The following DDR2 variants were observed in gnomAD, a reference collection of about 807,000 sequenced individuals.
DDR2 encodes the protein discoidin domain-containing receptor 2.
A neutral mutation model predicts 94.9 loss-of-function variants in DDR2; 27 were observed. The observed-to-expected ratio is 0.28, with a 90% CI of 0.21 to 0.39. The LOEUF (loss-of-function observed/expected upper bound fraction) is 0.39. DDR2 is among the 10% of genes least tolerant of loss of function. The pLI, the probability that DDR2 is intolerant of heterozygous loss-of-function variation, is 1.00. For missense variants in DDR2, 783 were observed against 1,076.0 expected (o/e 0.73, Z 3.81); for synonymous variants, 382 against 377.2 (o/e 1.01, Z -0.15).
intron 1 of DDR2, among the ~76,000 whole-genome samples, chr1:162,636,190 A>T (rs1267093755): frequency 6.6e-6 from 1 of 152,218 alleles, no homozygotes; most frequent in East Asian, 1.9e-4. Flanking sequence ...TCCTAATTTT[A>T]TAAACCCCAG....
intron 2 of DDR2, among the ~76,000 whole-genome samples, chr1:162,717,556 C>T (rs1661228166): frequency 6.6e-6 from 1 of 152,172 alleles, no homozygotes; most frequent in African/African-American, 2.4e-5. Flanking sequence ...TATAACATTA[C>T]ACTTAGTTAT....
intron 2 of DDR2, among the ~76,000 whole-genome samples, chr1:162,656,198 G>T (rs565846880): frequency 6.6e-6 from 1 of 152,282 alleles, no homozygotes; most frequent in East Asian, 1.9e-4. Context: ...CTTCATGCCT[G>T]TGCCTCTAGC....
At chr1:162,664,807 T>C (rs1658468809) in intron 2 of DDR2, among the ~76,000 whole-genome samples, 1 of 152,210 alleles carries the variant, frequency 6.6e-6, no homozygotes, top group African/African-American at 2.4e-5. Context: ...AAAGGGAAGA[T>C]ATTGTAAAGG....
chr1:162,729,301 T>TATATATATATATATATATATA (rs755861408), intron 3 of DDR2, among the ~76,000 whole-genome samples: 1 of 60,120 alleles, frequency 1.7e-5, no homozygotes, highest in African/African-American at 8.3e-5. Flanking sequence ...TATATATATA[T>TATATATATATATATATATATA]TTTTTTTTTT....
intron 1 of DDR2, among the ~76,000 whole-genome samples, chr1:162,649,012 T>C (rs17472625): frequency 0.075 from 11,342 of 151,918 alleles, 437 homozygotes; most frequent in Admixed American, 0.094. Context: ...CCTTATCCCA[T>C]AGTGAGGACC....
intron 3 of DDR2, among the ~76,000 whole-genome samples, chr1:162,746,867 G>A (rs1558061271): frequency 6.6e-6 from 1 of 152,182 alleles, no homozygotes; most frequent in African/African-American, 2.4e-5. Context: ...TGATACCCAG[G>A]CAAACAGGGT....
At chr1:162,760,857 A>G (rs991043326) in intron 8 of DDR2, among the ~76,000 whole-genome samples, 61 of 151,946 alleles carry the variant, frequency 4.0e-4, no homozygotes, top group African/African-American at 1.4e-3. Flanking sequence ...TCGAGTCTAT[A>G]ATCCTCTCAG....
At chr1:162,651,632 T>C (rs1288919110) in intron 1 of DDR2, among the ~76,000 whole-genome samples, 9 of 152,204 alleles carry the variant, frequency 5.9e-5, no homozygotes, top group African/African-American at 1.9e-4. Flanking sequence ...CTATCAACTA[T>C]AGTACATATT....
At chr1:162,663,627 T>C (rs1383067858) in intron 2 of DDR2, among the ~76,000 whole-genome samples, 1 of 152,034 alleles carries the variant, frequency 6.6e-6, no homozygotes, top group African/African-American at 2.4e-5. Flanking sequence ...AGGGCCAGGA[T>C]AAGAGCAGGT....
chr1:162,725,703 G>A (rs1427212827), intron 3 of DDR2, among the ~76,000 whole-genome samples: 1 of 152,202 alleles, frequency 6.6e-6, no homozygotes, highest in African/African-American at 2.4e-5. Context: ...CCTTTGGAGT[G>A]TGAGACTCAA....
rs140079283 is a variant in DDR2, at chr1:162,728,991, G to A, written c.82+9846G>A. 1.5e-4 allele frequency among the ~76,000 whole-genome samples: 23 copies of A among 152,010 alleles called. No individual in the cohort carries two copies. In the East Asian group the frequency reaches 4.3e-3, roughly 28 times the overall value. ...CTGCAGGGGATTGAAAGAGATAATG[G>A]AAATAAATGGGCTTTGGAAAATTAC... On this transcript the variant is annotated intron_variant, in intron 3 of 17. Transcript: ENST00000367921.
intron 10 of DDR2, among the ~76,000 whole-genome samples, chr1:162,766,529 A>G (rs1181422218): frequency 1.3e-5 from 2 of 152,240 alleles, no homozygotes; most frequent in African/African-American, 4.8e-5. Flanking sequence ...GAGGACTTTC[A>G]GCTACCTTGG....
chr1:162,669,327 T>C (rs1343285045), intron 2 of DDR2, among the ~76,000 whole-genome samples: 12 of 152,256 alleles, frequency 7.9e-5, no homozygotes, highest in African/African-American at 2.9e-4. Flanking sequence ...TGATTTTTAA[T>C]TTATGAAATA....
At position 162,767,417 on chromosome 1, in the gene DDR2, C is replaced by T. The variant is rs906300481; in HGVS notation, c.1293+58C>T. ...AACTGCTCCTTTCTTTCTTAAGCCACTGTTGTCCCAGGAGTAAAAGGCAAA... is the reference window on the plus strand; with the variant it reads ...AACTGCTCCTTTCTTTCTTAAGCCATTGTTGTCCCAGGAGTAAAAGGCAAA... On this transcript the variant is annotated intron_variant, in intron 11 of 17. Coordinates refer to ENST00000367921, the MANE Select transcript of DDR2 (RefSeq NM_006182.4). 5 of 1,603,632 alleles carry T rather than the reference C, an allele frequency of 3.1e-6. No homozygotes were observed. The African/African-American group carries it at 5.4e-5, about 17-fold the overall frequency.
intron 7 of DDR2, among the ~76,000 whole-genome samples, 164 bp from the exon 8 acceptor site, chr1:162,759,631 GA>G (rs1283016259): frequency 6.6e-6 from 1 of 152,086 alleles, no homozygotes; most frequent in Non-Finnish European, 1.5e-5. Context: ...CAAGATAAAC[GA>G]GTCAATACTA....
At chr1:162,771,395 G>C (rs1354077378) in intron 12 of DDR2, among the ~76,000 whole-genome samples, 1 of 152,142 alleles carries the variant, frequency 6.6e-6, no homozygotes, top group South Asian at 2.1e-4. Flanking sequence ...TCTTTTCAAA[G>C]GATAAAAGGA....
intron 7 of DDR2, among the ~76,000 whole-genome samples, chr1:162,756,814 G>A (rs574234814): frequency 2.1e-3 from 314 of 152,078 alleles, no homozygotes; most frequent in African/African-American, 7.0e-3. Context: ...TTGCTTAAAC[G>A]GTCTTGGCAT....
chr1:162,733,530 G>A (rs765683697), intron 3 of DDR2, among the ~76,000 whole-genome samples: 3 of 152,150 alleles, frequency 2.0e-5, no homozygotes, highest in Non-Finnish European at 2.9e-5. Flanking sequence ...TTCTTAATGT[G>A]ACTATTGCTG....
At chr1:162,670,431 A>G (rs1658777236) in intron 2 of DDR2, among the ~76,000 whole-genome samples, 2 of 152,176 alleles carry the variant, frequency 1.3e-5, no homozygotes, top group South Asian at 4.1e-4. Flanking sequence ...AGGCTTTGCA[A>G]TTGATTGAAT....
Sources: gnomAD v4.1 joint callset for allele counts (sites outside exome capture counted in the v4.1 genomes callset) on GRCh38, gnomAD v4.1.1 for gene constraint, MANE v1.5 for transcripts, NCBI Gene and HGNC (gene_info 2026-07-23, HGNC 2026-07-21) for gene names.